Variants in RALYL observed in about 807,000 individuals in gnomAD.
RALYL encodes RALY RNA binding protein like.
A neutral mutation model predicts 35.1 loss-of-function variants in RALYL; 29 were observed. The observed-to-expected ratio is 0.83, with a 90% CI of 0.61 to 1.13. RALYL has a LOEUF of 1.13. Ranked by LOEUF, RALYL falls within the 50% of genes most tolerant of loss-of-function variation. The pLI is 0.00. For missense variants in RALYL, 359 were observed against 360.4 expected (o/e 1.00, Z 0.03); for synonymous variants, 120 against 127.6 (o/e 0.94, Z 0.40).
chr8:84,536,219 C>T (rs2059595579), intron 2 of RALYL, among the ~76,000 whole-genome samples: 1 of 152,044 alleles, frequency 6.6e-6, no homozygotes, highest in South Asian at 2.1e-4. Context: ...CATGTCTAAT[C>T]GCCACTAGAA....
In RALYL at chr8:84,217,287, C is replaced by G. The variant is rs185515257; in HGVS notation, c.-24+32863C>G. On this transcript the variant is annotated intron_variant, in intron 1 of 8. Coordinates refer to ENST00000521268, the MANE Select transcript of RALYL (RefSeq NM_173848.7). ...TAGAAACTACTAAGCCATTTAATGTCAATATGTTTTATTAGTCAAAAAGAA... is the reference window on the plus strand; with the variant it reads ...TAGAAACTACTAAGCCATTTAATGTGAATATGTTTTATTAGTCAAAAAGAA... Among the ~76,000 whole-genome samples the G allele has an allele frequency of 1.2e-3, 179 of 151,876 alleles. 1 individual carries two copies. Among genetic ancestry groups the G allele is most frequent in the Middle Eastern group, 3.4e-3 (1 of 292 alleles).
At chr8:84,753,369 C>T (rs1810544199) in intron 2 of RALYL, among the ~76,000 whole-genome samples, 1 of 152,066 alleles carries the variant, frequency 6.6e-6, no homozygotes, top group African/African-American at 2.4e-5. Flanking sequence ...GACTTTGGAC[C>T]TTGGACTTTT....
chr8:84,578,063 C>T (rs1357464852), intron 2 of RALYL, among the ~76,000 whole-genome samples: 11 of 152,192 alleles, frequency 7.2e-5, no homozygotes, highest in African/African-American at 2.2e-4. Context: ...CATCTCATGC[C>T]ACCAGTCCAG....
intron 1 of RALYL, among the ~76,000 whole-genome samples, chr8:84,196,852 C>G (rs1815431904): frequency 6.6e-6 from 1 of 152,068 alleles, no homozygotes; most frequent in South Asian, 2.1e-4. Context: ...AAATATGGTC[C>G]CATTGACTAA....
intron 2 of RALYL, among the ~76,000 whole-genome samples, chr8:84,638,271 G>C (rs181867706): frequency 4.6e-5 from 7 of 151,796 alleles, no homozygotes; most frequent in African/African-American, 1.7e-4. Flanking sequence ...AATGATAATA[G>C]TGACACAACC....
intron 1 of RALYL, among the ~76,000 whole-genome samples, chr8:84,372,047 A>C (rs1855834721): frequency 1.3e-5 from 2 of 152,070 alleles, no homozygotes; most frequent in Non-Finnish European, 2.9e-5. Flanking sequence ...CAAAACAAAA[A>C]ATGCTTTAGA....
Position 84,290,498 on chromosome 8 carries a change from T to G in RALYL, c.-24+106074T>G, listed in dbSNP as rs1473082257. ...GGGTTTGTTCTCTGGCGGGCAGGAG[T>G]GGGGGGTCACAAGGTGCTCAGTGGG... On this transcript the variant is annotated intron_variant, in intron 1 of 8. Transcript: ENST00000521268. Among the ~76,000 whole-genome samples the G allele has an allele frequency of 2.4e-4, 31 of 127,754 alleles. No individual in the cohort carries two copies. The South Asian group carries it at 4.3e-3, about 18-fold the overall frequency. The allele number at this position is 127,754 out of a possible 152,430, so 83.8% of individuals were successfully genotyped here. A position where few individuals can be genotyped will look rare whatever the true frequency, so the allele number is the denominator to read the frequency against.
intron 1 of RALYL, among the ~76,000 whole-genome samples, chr8:84,402,221 A>G: frequency 6.6e-6 from 1 of 152,226 alleles, no homozygotes; most frequent in East Asian, 1.9e-4. Context: ...ATAGTGAGTC[A>G]TCCTTATACA....
At chr8:84,459,715 C>T (rs2050532741) in intron 1 of RALYL, among the ~76,000 whole-genome samples, 1 of 151,706 alleles carries the variant, frequency 6.6e-6, no homozygotes, top group Non-Finnish European at 1.5e-5. Flanking sequence ...CTGAAATCAT[C>T]TCCAGTAAGT....
At chr8:84,685,999 T>A (rs1194862516) in intron 2 of RALYL, among the ~76,000 whole-genome samples, 2 of 152,146 alleles carry the variant, frequency 1.3e-5, no homozygotes, top group Non-Finnish European at 2.9e-5. Flanking sequence ...TGCATGTTTG[T>A]GGTATGTGTG....
In RALYL at chr8:84,514,030, G is replaced by T. The variant is rs956630274; in HGVS notation, c.-23-15269G>T. 2.1e-5 allele frequency among the ~76,000 whole-genome samples: 3 copies of T among 142,106 alleles called. No individual in the cohort carries two copies. In the East Asian group the frequency reaches 6.5e-4, roughly 31 times the overall value. The allele number at this position is 142,106 out of a possible 152,430, so 93.2% of individuals were successfully genotyped here. ...GAATCACTTGAACCTGGAGGTAGAG[G>T]TTGCAGTGAGCCGAAATCACACCAC... On this transcript the variant is annotated intron_variant, in intron 1 of 8. Coordinates refer to ENST00000521268, the MANE Select transcript of RALYL (RefSeq NM_173848.7).
rs180672609 is a variant in RALYL at position 84,740,452 on chromosome 8, T to G, written c.257-34127T>G. On this transcript the variant is annotated intron_variant, in intron 2 of 8. Coordinates refer to ENST00000521268, the MANE Select transcript of RALYL (RefSeq NM_173848.7). ...TAATTTATTCTAAAAAGAAAGTAAT[T>G]TATTTTTCCCTTTTTCCTAATCTTT... 1.2e-4 allele frequency among the ~76,000 whole-genome samples: 18 copies of G among 152,140 alleles called. No homozygotes were observed. The East Asian group carries it at 2.7e-3, about 23-fold the overall frequency.
chr8:84,624,084 T>A (rs144559563), intron 2 of RALYL, among the ~76,000 whole-genome samples: 1 of 152,336 alleles, frequency 6.6e-6, no homozygotes, highest in South Asian at 2.1e-4. Flanking sequence ...ATATTCAACA[T>A]CCCTCTCTGT....
At chr8:84,341,673 C>G (rs905018447) in intron 1 of RALYL, among the ~76,000 whole-genome samples, 4 of 151,842 alleles carry the variant, frequency 2.6e-5, no homozygotes, top group African/African-American at 9.7e-5. Context: ...TTAAAACATT[C>G]CTAATAATAG....
intron 1 of RALYL, among the ~76,000 whole-genome samples, chr8:84,470,103 C>T (rs145402979): frequency 0.059 from 8,935 of 152,222 alleles, 296 homozygotes; most frequent in East Asian, 0.14. Flanking sequence ...CCATCTTCTG[C>T]GTCGCTCACG....
At chr8:84,248,431 C>T (rs1386439844) in intron 1 of RALYL, among the ~76,000 whole-genome samples, 3 of 152,112 alleles carry the variant, frequency 2.0e-5, no homozygotes, top group African/African-American at 7.2e-5. Flanking sequence ...TCTTAGTACA[C>T]CTAAGAGCTC....
At chr8:84,529,977 T>C (rs1281695878) in intron 2 of RALYL, among the ~76,000 whole-genome samples, 1 of 152,142 alleles carries the variant, frequency 6.6e-6, no homozygotes, top group Non-Finnish European at 1.5e-5. Flanking sequence ...CCTCATTTCC[T>C]ATGTTTTGGA....
chr8:84,450,027 T>C (rs1353395382), intron 1 of RALYL, among the ~76,000 whole-genome samples: 1 of 151,786 alleles, frequency 6.6e-6, no homozygotes, highest in Non-Finnish European at 1.5e-5. Flanking sequence ...AATGAACAAA[T>C]GAGTTATAGC....
chr8:84,404,112 A>G (rs1179099954), intron 1 of RALYL, among the ~76,000 whole-genome samples: 2 of 152,128 alleles, frequency 1.3e-5, no homozygotes, highest in African/African-American at 4.8e-5. Context: ...CAAACATGTC[A>G]TCTCCAAACA....
Sources: gnomAD v4.1 joint callset for allele counts (sites outside exome capture counted in the v4.1 genomes callset) on GRCh38, gnomAD v4.1.1 for gene constraint, MANE v1.5 for transcripts, NCBI Gene and HGNC (gene_info 2026-07-23, HGNC 2026-07-21) for gene names.